Variants in ACYP1 observed in about 807,000 individuals in gnomAD.
The protein encoded by ACYP1 is acylphosphatase-1.
Under a neutral mutation model 10.4 loss-of-function variants are expected in ACYP1, and 8 were observed. The ratio of observed to expected loss-of-function variants is 0.77; its 90% CI spans 0.45 to 1.38. ACYP1 has a LOEUF of 1.38. Ranked by LOEUF, ACYP1 falls within the 40% of genes most tolerant of loss-of-function variation. The pLI is 0.00. For synonymous variants in ACYP1, 38 were observed against 40.8 expected (o/e 0.93, Z 0.26); for missense variants, 93 against 117.3 (o/e 0.79, Z 0.96).
chr14:75,060,307 A>G (rs1892985943), intron 2 of ACYP1: 1 of 654,752 alleles, frequency 1.5e-6, no homozygotes, highest in Non-Finnish European at 2.7e-6. Flanking sequence ...CCTCATACCC[A>G]CTAGGATGGC....
At chr14:75,064,391 G>C (rs1246425503), upstream of ACYP1, 2 of 152,320 alleles carry the variant, frequency 1.3e-5, no homozygotes, top group East Asian at 3.8e-4. Context: ...GCAAACATCA[G>C]TGAACAAAAC....
intron 1 of ACYP1, 91 bp from the exon 2 acceptor site, chr14:75,063,652 A>T: frequency 9.9e-7 from 1 of 1,014,010 alleles, no homozygotes; most frequent in Non-Finnish European, 1.5e-6. Flanking sequence ...ACCCCTGTCC[A>T]TCCTTAACCA....
intron 2 of ACYP1, chr14:75,063,225 G>A (rs1893071994): frequency 2.0e-6 from 1 of 490,168 alleles, no homozygotes; most frequent in Non-Finnish European, 3.7e-6. Context: ...GAAGAGAGAA[G>A]CTCATTAATA....
chr14:75,066,938 T>C (rs1416377654), upstream of ACYP1, among the ~76,000 whole-genome samples: 1 of 152,192 alleles, frequency 6.6e-6, no homozygotes, highest in African/African-American at 2.4e-5. Flanking sequence ...ACTGATGCTG[T>C]GAGCATGCAA....
upstream of ACYP1, chr14:75,064,042 AGTTTAGTGTGTAGCT>A: frequency 2.0e-6 from 2 of 988,556 alleles, no homozygotes; most frequent in Non-Finnish European, 2.4e-6. Flanking sequence ...CGCGCCCGGA[AGTTTAGTGTGTAGCT>A]GCTCCTTCGC....
exon 1 of ACYP1, chr14:75,069,266 C>A (rs1378448328): frequency 2.0e-6 from 3 of 1,468,492 alleles, no homozygotes; most frequent in African/African-American, 3.0e-5. Context: ...CAGCCCCGCT[C>A]CCGCCAGGCG....
chr14:75,061,692 C>T (rs1186128265), intron 2 of ACYP1: 2 of 1,589,740 alleles, frequency 1.3e-6, no homozygotes, highest in Non-Finnish European at 1.7e-6. Flanking sequence ...ACCTGCATAA[C>T]TGGTAGCAAA....
chr14:75,069,076 A>G, intron 1 of ACYP1: 2 of 920,726 alleles, frequency 2.2e-6, no homozygotes, highest in Non-Finnish European at 3.1e-6. Context: ...CCACGTGAGT[A>G]AAACATTATA....
At chr14:75,061,450 T>C (rs1324328691) in intron 2 of ACYP1, among the ~76,000 whole-genome samples, 1 of 152,240 alleles carries the variant, frequency 6.6e-6, no homozygotes, top group Non-Finnish European at 1.5e-5. Flanking sequence ...TAAATGATTA[T>C]AAATAGTAAA....
upstream of ACYP1, among the ~76,000 whole-genome samples, chr14:75,068,072 C>T (rs1462608209): frequency 3.3e-5 from 5 of 151,780 alleles, no homozygotes; most frequent in East Asian, 3.9e-4. Context: ...GGCGGATCAC[C>T]TGGGGTCAGG....
upstream of ACYP1, among the ~76,000 whole-genome samples, chr14:75,065,467 T>G (rs1251012265): frequency 6.6e-6 from 1 of 152,216 alleles, no homozygotes; most frequent in Admixed American, 6.5e-5. Flanking sequence ...TATTTGAAAA[T>G]AACTCTAAAT....
intron 2 of ACYP1, among the ~76,000 whole-genome samples, chr14:75,060,630 T>C (rs1280577334): frequency 6.6e-6 from 1 of 152,136 alleles, no homozygotes; most frequent in African/African-American, 2.4e-5. Flanking sequence ...GGTATATCCA[T>C]ACAATGGAAT....
chr14:75,059,348 A>C (rs187386850), intron 2 of ACYP1, among the ~76,000 whole-genome samples: 55 of 152,250 alleles, frequency 3.6e-4, no homozygotes, highest in East Asian at 2.3e-3. Flanking sequence ...AAACAAAAAC[A>C]AAACAAACAA....
exon 1 of ACYP1, chr14:75,069,319 G>A (rs1160282424): frequency 7.1e-6 from 10 of 1,415,708 alleles, no homozygotes; most frequent in South Asian, 1.5e-5. Flanking sequence ...CGGAGGCACA[G>A]CCAGGGCCTC....
At chr14:75,063,250 C>T in intron 2 of ACYP1, 2 of 534,242 alleles carry the variant, frequency 3.7e-6, no homozygotes, top group Non-Finnish European at 6.8e-6. Context: ...TATCTAGATG[C>T]TCAGGCACCA....
chr14:75,055,837 T>C (rs1892864350), intron 2 of ACYP1, among the ~76,000 whole-genome samples: 1 of 151,452 alleles, frequency 6.6e-6, no homozygotes, highest in Non-Finnish European at 1.5e-5. Flanking sequence ...AAAAGTTGCT[T>C]CTTTGACAGG....
upstream of ACYP1, among the ~76,000 whole-genome samples, chr14:75,066,002 G>C: frequency 6.6e-6 from 1 of 152,226 alleles, no homozygotes; most frequent in Non-Finnish European, 1.5e-5. Flanking sequence ...TTGCTACCCT[G>C]CTTGTGCATC....
intron 2 of ACYP1, 176 bp downstream of exon 2, chr14:75,063,294 T>G: frequency 1.7e-6 from 1 of 598,842 alleles, no homozygotes; most frequent in Non-Finnish European, 3.0e-6. Flanking sequence ...GATCTTCCAT[T>G]TACACCATGT....
chr14:75,058,829 T>C (rs1481401534), intron 2 of ACYP1, among the ~76,000 whole-genome samples: 4 of 152,230 alleles, frequency 2.6e-5, no homozygotes, highest in African/African-American at 9.6e-5. Flanking sequence ...CTGGATTTCC[T>C]ACCTCACATC....
Sources: gnomAD v4.1 joint callset for allele counts (sites outside exome capture counted in the v4.1 genomes callset) on GRCh38, gnomAD v4.1.1 for gene constraint, MANE v1.5 for transcripts, NCBI Gene and HGNC (gene_info 2026-07-23, HGNC 2026-07-21) for gene names.